VAV3: variants seen among roughly 807,000 people sequenced by gnomAD.
The protein encoded by VAV3 is vav guanine nucleotide exchange factor 3.
In VAV3, 94 loss-of-function variants were observed where a neutral mutation model predicts 131.2. That is an observed-to-expected ratio of 0.72 (90% CI 0.61 to 0.85). The LOEUF (loss-of-function observed/expected upper bound fraction) is 0.85, where lower values mean the gene tolerates loss of function less well. Among genes scored for constraint, VAV3 ranks in the 40% least tolerant of loss-of-function variants. VAV3 has a pLI of 0.00. For missense variants in VAV3, 939 were observed against 1,002.7 expected, an observed-to-expected ratio of 0.94 and a Z score of 0.86; for synonymous variants, 349 against 342.0, an observed-to-expected ratio of 1.02 and a Z score of -0.22.
intron 21 of VAV3, among the ~76,000 whole-genome samples, chr1:107,613,565 G>C (rs1652915481): frequency 6.6e-6 from 1 of 151,904 alleles, no homozygotes; most frequent in Non-Finnish European, 1.5e-5. Flanking sequence ...TTTCCTCTTA[G>C]ATTTTTGTTC....
At chr1:107,779,559 T>G in intron 2 of VAV3, 67 bp from the exon 3 acceptor site, 1 of 1,349,358 alleles carries the variant, frequency 7.4e-7, no homozygotes. Flanking sequence ...TTTTCCAAAA[T>G]TTTTTCAATC....
intron 20 of VAV3, among the ~76,000 whole-genome samples, chr1:107,631,801 A>G (rs1052358887): frequency 4.6e-5 from 7 of 152,028 alleles, no homozygotes; most frequent in African/African-American, 1.7e-4. Context: ...TACAAAGGAC[A>G]TGAACTCATC....
intron 2 of VAV3, among the ~76,000 whole-genome samples, chr1:107,866,128 A>T (rs1669975994): frequency 6.6e-6 from 1 of 152,148 alleles, no homozygotes; most frequent in Non-Finnish European, 1.5e-5. Flanking sequence ...TCAAGGTTAA[A>T]CACTGCACTT....
Position 107,575,923 on chromosome 1 carries a change from G to A in VAV3, c.2351-1725C>T, listed in dbSNP as rs187207037. Among the ~76,000 whole-genome samples the A allele has an allele frequency of 2.9e-4, 44 of 152,214 alleles. No individual in the cohort carries two copies. The East Asian group carries it at 4.1e-3, about 14-fold the overall frequency. On this transcript the variant is annotated intron_variant, in intron 25 of 26. Transcript: ENST00000370056. The stretch of plus-strand genomic sequence containing the variant: ...AGACCAAAATGCCCATGCACAAACC[G>A]AAGAACTGCAGAATTCATGGGCGCC...
chr1:107,631,393 G>A (rs1654468676), intron 20 of VAV3, among the ~76,000 whole-genome samples: 1 of 151,618 alleles, frequency 6.6e-6, no homozygotes, highest in South Asian at 2.1e-4. Flanking sequence ...CATTAAAACT[G>A]GTAAAAGAAT....
chr1:107,958,678 G>A (rs2101390799), intron 1 of VAV3, among the ~76,000 whole-genome samples: 1 of 152,146 alleles, frequency 6.6e-6, no homozygotes, highest in East Asian at 1.9e-4. Flanking sequence ...TGAAGCAAGT[G>A]CAGGTTTGTT....
chr1:107,579,945 G>T (rs753773487), intron 25 of VAV3, among the ~76,000 whole-genome samples: 1 of 152,128 alleles, frequency 6.6e-6, no homozygotes, highest in Non-Finnish European at 1.5e-5. Context: ...TAACTTCCCT[G>T]TCTCAAAAGT....
chr1:107,627,155 G>C (rs992471145), intron 20 of VAV3, among the ~76,000 whole-genome samples: 1 of 152,162 alleles, frequency 6.6e-6, no homozygotes, highest in Admixed American at 6.5e-5. Context: ...TTATTGCACA[G>C]ATCACTTATG....
intron 20 of VAV3, among the ~76,000 whole-genome samples, chr1:107,634,332 T>C (rs1654739060): frequency 6.6e-6 from 1 of 152,068 alleles, no homozygotes; most frequent in Admixed American, 6.6e-5. Flanking sequence ...TCTACAACCA[T>C]CTGATCTTTG....
At chr1:107,926,445 T>A (rs931901077) in intron 1 of VAV3, among the ~76,000 whole-genome samples, 12 of 152,112 alleles carry the variant, frequency 7.9e-5, no homozygotes, top group Non-Finnish European at 1.6e-4. Context: ...ATTTAACAAC[T>A]AACTACACAA....
intron 1 of VAV3, among the ~76,000 whole-genome samples, chr1:107,956,087 G>T (rs1674796375): frequency 6.6e-6 from 1 of 152,242 alleles, no homozygotes; most frequent in Non-Finnish European, 1.5e-5. Context: ...AGGAGAAACT[G>T]GCCTTGGCCA....
chr1:107,730,272 C>A (rs1662147174), intron 15 of VAV3, among the ~76,000 whole-genome samples: 1 of 152,186 alleles, frequency 6.6e-6, no homozygotes, highest in African/African-American at 2.4e-5. Context: ...TATGTAAAAA[C>A]ATCCAATGTT....
At chr1:107,848,751 G>A (rs892071891) in intron 2 of VAV3, among the ~76,000 whole-genome samples, 9 of 152,204 alleles carry the variant, frequency 5.9e-5, no homozygotes, top group African/African-American at 2.2e-4. Flanking sequence ...AAGAAATAAA[G>A]GGCATTCAAA....
chr1:107,866,277 C>A (rs1374359773), intron 2 of VAV3, among the ~76,000 whole-genome samples: 1 of 152,112 alleles, frequency 6.6e-6, no homozygotes, highest in Non-Finnish European at 1.5e-5. Flanking sequence ...CAGTCGAATT[C>A]TTTCTTCTGA....
chr1:107,857,865 A>C (rs1669542174), intron 2 of VAV3, among the ~76,000 whole-genome samples: 1 of 152,180 alleles, frequency 6.6e-6, no homozygotes, highest in Admixed American at 6.5e-5. Context: ...CGAGAGAGAA[A>C]AAATGTGGAA....
At chr1:107,577,891 A>C (rs1016878634) in intron 25 of VAV3, among the ~76,000 whole-genome samples, 3 of 152,208 alleles carry the variant, frequency 2.0e-5, no homozygotes, top group Non-Finnish European at 2.9e-5. Context: ...CCTAATCTGA[A>C]CTGTGACAAA....
At chr1:107,848,510 G>A (rs1307945808) in intron 2 of VAV3, among the ~76,000 whole-genome samples, 2 of 151,980 alleles carry the variant, frequency 1.3e-5, no homozygotes, top group Non-Finnish European at 2.9e-5. Flanking sequence ...ATGTAGAAAA[G>A]GCCTTTGATA....
intron 2 of VAV3, among the ~76,000 whole-genome samples, chr1:107,834,243 G>A (rs969293676): frequency 2.0e-5 from 3 of 152,064 alleles, no homozygotes; most frequent in African/African-American, 7.2e-5. Context: ...TGATACACCC[G>A]TAAATTATTC....
intron 24 of VAV3, among the ~76,000 whole-genome samples, chr1:107,598,935 G>A (rs1419881899): frequency 6.6e-6 from 1 of 152,000 alleles, no homozygotes; most frequent in Admixed American, 6.6e-5. Context: ...AACTTGAAAG[G>A]AATTATAAGC....
Sources: gnomAD v4.1 joint callset for allele counts (sites outside exome capture counted in the v4.1 genomes callset) on GRCh38, gnomAD v4.1.1 for gene constraint, MANE v1.5 for transcripts, NCBI Gene and HGNC (gene_info 2026-07-23, HGNC 2026-07-21) for gene names.